WDHD1: variants seen among roughly 807,000 people sequenced by gnomAD.
The protein encoded by WDHD1 is WD repeat and HMG-box DNA-binding protein 1.
A neutral mutation model predicts 135.4 loss-of-function variants in WDHD1; 111 were observed. The ratio of observed to expected loss-of-function variants is 0.82; its 90% confidence interval spans 0.70 to 0.96. WDHD1 has a LOEUF of 0.96. WDHD1 is among the 40% of genes least tolerant of loss of function. The pLI is 0.00. For missense variants in WDHD1, 1,351 were observed against 1,336.3 expected, an observed-to-expected ratio of 1.01 and a Z score of -0.17; for synonymous variants, 434 against 439.0, an observed-to-expected ratio of 0.99 and a Z score of 0.14.
rs759394480 is a variant in WDHD1 at position 54,957,159 on chromosome 14, G to A, written c.2791C>T (p.Arg931Cys). The A allele has an allele frequency of 2.3e-5, 37 of 1,613,954 alleles. 1 individual carries two copies. In the South Asian group the frequency reaches 2.4e-4, roughly 11 times the overall value. ...ATATTGTCTAAAATATTAGTTGAAC[G>A]TGCTGAATTCATTGACATGGCTGGT... ...KEPAMSMNSA[R>C]STNILDNMGK... Residue 931 changes from arginine (R) to cysteine (C), a missense_variant, in exon 23 of 26, where the codon CGT becomes TGT. Transcript: ENST00000360586.
At chr14:55,016,728 T>A (rs1290769006) in intron 2 of WDHD1, among the ~76,000 whole-genome samples, 2 of 152,250 alleles carry the variant, frequency 1.3e-5, no homozygotes, top group Non-Finnish European at 2.9e-5. Context: ...GATTTAAACC[T>A]ACATAGCTGC....
intron 21 of WDHD1, among the ~76,000 whole-genome samples, chr14:54,958,913 T>C (rs1323441758): frequency 6.6e-6 from 1 of 152,200 alleles, no homozygotes; most frequent in African/African-American, 2.4e-5. Flanking sequence ...CCAGAATACT[T>C]CCCTGAGCTC....
intron 22 of WDHD1, 118 bp from the exon 23 acceptor site, chr14:54,957,322 A>C: frequency 8.9e-7 from 1 of 1,123,792 alleles, no homozygotes; most frequent in Non-Finnish European, 1.3e-6. Flanking sequence ...CTTTAGAACT[A>C]AATACATTTG....
At chr14:54,957,721 C>A (rs1380711573) in intron 21 of WDHD1, 86 bp from the exon 22 acceptor site, 4 of 1,108,174 alleles carry the variant, frequency 3.6e-6, no homozygotes, top group Admixed American at 2.5e-5. Context: ...GTATTTTAAT[C>A]CCCATTAAAT....
At chr14:54,958,205 C>A (rs1005549734) in intron 21 of WDHD1, among the ~76,000 whole-genome samples, 2 of 151,542 alleles carry the variant, frequency 1.3e-5, no homozygotes, top group African/African-American at 4.9e-5. Context: ...CGGCTCACTG[C>A]AAAGTCCACC....
rs1595075682 is a variant in WDHD1, at chr14:54,966,689, T to C, written c.2179-83A>G. 7.2e-6 allele frequency: 10 copies of C among 1,382,488 alleles called. No individual in the cohort carries two copies. In the East Asian group the frequency reaches 2.5e-4, roughly 35 times the overall value. The allele number at this position is 1,382,488 out of a possible 1,614,324, so 85.6% of individuals were successfully genotyped here. ...TTAAATATTTATCTTAAGATACCAG[T>C]TTTTGAATAAAATATGTTCTGAACT... On this transcript the variant is annotated intron_variant, in intron 17 of 25. Transcript: ENST00000360586.
rs577575081 is a variant in WDHD1, at chr14:54,998,847, T to A, written c.942+1656A>T. ...GTTATTAAGATCATGTAAATGCTAT[T>A]CATGGCTGAATAATAAAAATAATAG... On this transcript the variant is annotated intron_variant, in intron 10 of 25. Transcript: ENST00000360586. 1.1e-4 allele frequency among the ~76,000 whole-genome samples: 16 copies of A among 152,320 alleles called. No individual in the cohort carries two copies. The East Asian group carries it at 3.1e-3, about 29-fold the overall frequency.
At chr14:54,976,300 T>A (rs2041523298) in intron 16 of WDHD1, among the ~76,000 whole-genome samples, 1 of 152,170 alleles carries the variant, frequency 6.6e-6, no homozygotes. Flanking sequence ...AGGGGCTGTA[T>A]AACCTTGAAC....
chr14:54,963,270 T>G (rs1214872795), intron 18 of WDHD1, 98 bp from the exon 19 acceptor site: 1 of 902,560 alleles, frequency 1.1e-6, no homozygotes. Flanking sequence ...AATAGTTTTC[T>G]AGCTACTCTA....
In WDHD1 at chr14:54,981,588, G is replaced by C; in HGVS notation, c.2015C>G (p.Ser672Cys). The change falls in exon 16 of 26, where the codon TCT becomes TGT. Residue 672 changes from serine (S) to cysteine (C), a missense_variant. Physicochemically the swap from Ser to Cys is moderately radical, Grantham distance 112. Around this residue, in one of 2 missense-constraint regions of WDHD1, gnomAD observed 1,330 missense variants for 1,296.1 expected, o/e 1.03. Coordinates refer to ENST00000360586, the MANE Select transcript of WDHD1 (RefSeq NM_007086.4). ...GATACCAACCACCCAGTAGTGATCA[G>C]ATTTTCCTTTGCAGTGCTCTCTTGT... ...CNTREHCKGKSDHYWVVGIHE... is the reference protein window; with the variant it reads ...CNTREHCKGKCDHYWVVGIHE... 6.2e-7 allele frequency: 1 copy of C among 1,613,630 alleles called. No individual in the cohort carries two copies. Among genetic ancestry groups the C allele is most frequent in the Non-Finnish European group, 8.5e-7 (1 of 1,179,850 alleles).
chr14:54,950,499 C>T (rs1467388006), intron 24 of WDHD1, among the ~76,000 whole-genome samples: 1 of 152,082 alleles, frequency 6.6e-6, no homozygotes, highest in Non-Finnish European at 1.5e-5. Flanking sequence ...ATTCATAAAC[C>T]AAGTCCTTAG....
At chr14:54,957,290 TAA>T in intron 22 of WDHD1, 86 bp from the exon 23 acceptor site, 1 of 1,407,868 alleles carries the variant, frequency 7.1e-7, no homozygotes, top group African/African-American at 1.4e-5. Flanking sequence ...AAATTTCTGT[TAA>T]GTTTGTATTG....
At position 54,992,006 on chromosome 14, in the gene WDHD1, C is replaced by T. The variant is rs139076141; in HGVS notation, c.1154-606G>A. On this transcript the variant is annotated intron_variant, in intron 11 of 25. Coordinates refer to ENST00000360586, the MANE Select transcript of WDHD1 (RefSeq NM_007086.4). ...CGGTGGCTCACACCTGTAATCCCAGCACTTTGCAAGGCCGAGGCAGGCAGA... is the reference window on the plus strand; with the variant it reads ...CGGTGGCTCACACCTGTAATCCCAGTACTTTGCAAGGCCGAGGCAGGCAGA... 6.0e-3 allele frequency among the ~76,000 whole-genome samples: 919 copies of T among 152,308 alleles called. 3 individuals are homozygous for T. The highest frequency in any genetic ancestry group is 9.9e-3 in the Non-Finnish European group (673 of 68,020).
At chr14:54,997,818 G>A (rs1412338109) in intron 10 of WDHD1, among the ~76,000 whole-genome samples, 1 of 151,786 alleles carries the variant, frequency 6.6e-6, no homozygotes, top group East Asian at 1.9e-4. Flanking sequence ...GGCTGAGGCA[G>A]GAGAATCACT....
chr14:55,025,946 C>G (rs533542174), intron 2 of WDHD1, among the ~76,000 whole-genome samples: 1 of 152,354 alleles, frequency 6.6e-6, no homozygotes, highest in African/African-American at 2.4e-5. Flanking sequence ...TCCAAAGAAG[C>G]CTTCCCTGAC....
chr14:55,015,155 T>C (rs1026760465), intron 2 of WDHD1, among the ~76,000 whole-genome samples: 3 of 152,042 alleles, frequency 2.0e-5, no homozygotes, highest in Non-Finnish European at 4.4e-5. Flanking sequence ...TTAAAACATA[T>C]TAGTATTAGT....
intron 21 of WDHD1, among the ~76,000 whole-genome samples, chr14:54,958,433 C>T (rs1595066344): frequency 6.6e-6 from 1 of 152,114 alleles, no homozygotes; most frequent in Admixed American, 6.6e-5. Flanking sequence ...GGTCATCCAG[C>T]CAAATTTTTC....
At chr14:54,986,924 T>TAACC (rs1211003790) in intron 14 of WDHD1, among the ~76,000 whole-genome samples, 1 of 152,186 alleles carries the variant, frequency 6.6e-6, no homozygotes, top group African/African-American at 2.4e-5. Flanking sequence ...TGGAAGTAAT[T>TAACC]AACCAAATTC....
chr14:54,955,348 A>C (rs1379682001), intron 24 of WDHD1, among the ~76,000 whole-genome samples: 5 of 152,220 alleles, frequency 3.3e-5, no homozygotes, highest in Admixed American at 2.6e-4. Flanking sequence ...CCACAATTTA[A>C]AAATATACAA....
Sources: allele counts gnomAD v4.1 joint callset (sites outside exome capture counted in the v4.1 genomes callset), GRCh38; gene constraint gnomAD v4.1.1; regional missense constraint gnomAD v4.1.1; transcripts MANE v1.5; gene names NCBI Gene and HGNC (gene_info 2026-07-23, HGNC 2026-07-21).